The following GPC3 variants were observed in gnomAD, a reference collection of about 807,000 sequenced individuals.
GPC3 encodes glypican-3.
Under a neutral mutation model 34.4 loss-of-function variants are expected in GPC3, and 3 were observed. The observed-to-expected ratio is 0.09, with a 90% CI of 0.04 to 0.23. GPC3 has a LOEUF of 0.23. Ranked by LOEUF, GPC3 falls within the 10% of genes least tolerant of loss-of-function variation. The pLI is 1.00. For synonymous variants in GPC3, 177 were observed against 174.0 expected (o/e 1.02, Z -0.13); for missense variants, 351 against 445.6 (o/e 0.79, Z 1.91).
At chrX:133,696,139 C>T (rs183623818) in intron 4 of GPC3, among the ~76,000 whole-genome samples, 199 of 112,287 alleles carry the variant, frequency 1.8e-3, no homozygotes, top group African/African-American at 6.4e-3. Context: ...ACGGTGAAGA[C>T]CATTCCTTTA....
intron 2 of GPC3, among the ~76,000 whole-genome samples, chrX:133,945,413 A>G (rs1244492257): frequency 9.1e-6 from 1 of 110,386 alleles, no homozygotes; most frequent in Non-Finnish European, 1.9e-5. Flanking sequence ...TAATAATTTG[A>G]GTTTGAGTTT....
chrX:133,640,530 C>A (rs1432698272), intron 6 of GPC3, among the ~76,000 whole-genome samples: 1 of 112,521 alleles, frequency 8.9e-6, no homozygotes, highest in Admixed American at 9.4e-5. Context: ...GCCGCTCTGG[C>A]AGCCTCTGCC....
chrX:133,565,748 C>G (rs1317281510), intron 7 of GPC3, among the ~76,000 whole-genome samples: 1 of 112,176 alleles, frequency 8.9e-6, no homozygotes, highest in Non-Finnish European at 1.9e-5. Context: ...CTGTGGAACC[C>G]TTAATAGAGT....
chrX:133,795,988 C>A (rs1457038903), intron 2 of GPC3, among the ~76,000 whole-genome samples: 1 of 102,131 alleles, frequency 9.8e-6, no homozygotes, highest in Non-Finnish European at 2.0e-5. Flanking sequence ...CTTTGTCCCC[C>A]AGGCTGGAGT....
chrX:133,868,879 C>T (rs1177189348), intron 2 of GPC3, among the ~76,000 whole-genome samples: 1 of 111,785 alleles, frequency 8.9e-6, no homozygotes, highest in Admixed American at 9.5e-5. Flanking sequence ...CCCTCCTCCC[C>T]ATCTGTATCT....
chrX:133,724,192 A>G (rs766370491), intron 3 of GPC3, among the ~76,000 whole-genome samples: 1 of 112,158 alleles, frequency 8.9e-6, no homozygotes, highest in South Asian at 3.8e-4. Flanking sequence ...CCCTGAAACC[A>G]GGATCTACAA....
intron 7 of GPC3, among the ~76,000 whole-genome samples, chrX:133,586,825 T>A (rs923725090): frequency 3.6e-5 from 4 of 111,830 alleles, no homozygotes; most frequent in Non-Finnish European, 5.6e-5. Context: ...CTTCTTTTTT[T>A]ATTTTTAACT....
intron 7 of GPC3, among the ~76,000 whole-genome samples, chrX:133,546,387 A>G: frequency 9.1e-6 from 1 of 110,089 alleles, no homozygotes; most frequent in Non-Finnish European, 1.9e-5. Flanking sequence ...AGGATGTGGA[A>G]TAGCCAAGAT....
intron 2 of GPC3, among the ~76,000 whole-genome samples, chrX:133,766,623 G>A (rs1284361439): frequency 3.6e-5 from 4 of 111,960 alleles, no homozygotes; most frequent in Non-Finnish European, 7.5e-5. Flanking sequence ...ATGTGTGTAT[G>A]TGTACTCGTG....
Position 133,750,945 on chromosome X carries a change from C to A in GPC3, c.1032+2537G>T, listed in dbSNP as rs769337262. On this transcript the variant is annotated intron_variant, in intron 3 of 7. Transcript: ENST00000370818. The stretch of plus-strand genomic sequence containing the variant: ...AGAATTAGCCAGGCATGGTGGCATG[C>A]GCCTGCAATCCCAGCTTCTCGGGAG... 1.4e-4 allele frequency among the ~76,000 whole-genome samples: 15 copies of A among 109,304 alleles called. No individual in the cohort carries two copies. The East Asian group carries it at 3.7e-3, about 27-fold the overall frequency. The allele number at this position is 109,304 out of a possible 115,157, so 94.9% of individuals were successfully genotyped here. A position where few individuals can be genotyped will look rare whatever the true frequency, so the allele number is the denominator to read the frequency against.
chrX:133,826,073 T>C (rs2075744783), intron 2 of GPC3, among the ~76,000 whole-genome samples: 1 of 110,740 alleles, frequency 9.0e-6, no homozygotes, highest in Non-Finnish European at 1.9e-5. Flanking sequence ...ATTTCCAGAG[T>C]TACCACATTA....
At chrX:133,887,409 C>T (rs1375041842) in intron 2 of GPC3, among the ~76,000 whole-genome samples, 1 of 112,239 alleles carries the variant, frequency 8.9e-6, no homozygotes, top group African/African-American at 3.2e-5. Context: ...CTAAGTGTTT[C>T]CCTAATGATT....
chrX:133,853,082 T>C, intron 2 of GPC3, among the ~76,000 whole-genome samples: 1 of 96,318 alleles, frequency 1.0e-5, no homozygotes, highest in South Asian at 5.0e-4. Flanking sequence ...CAAGGAAAAA[T>C]ACAGGTTTTG....
chrX:133,625,160 G>A (rs1174321607), intron 6 of GPC3, among the ~76,000 whole-genome samples: 2 of 111,538 alleles, frequency 1.8e-5, no homozygotes, highest in Non-Finnish European at 3.8e-5. Flanking sequence ...CTGATGGGAC[G>A]TATCTCAAAA....
intron 7 of GPC3, among the ~76,000 whole-genome samples, chrX:133,594,616 C>G (rs1372104336): frequency 1.8e-5 from 2 of 111,404 alleles, no homozygotes; most frequent in Middle Eastern, 4.7e-3. Flanking sequence ...AAACCAGTCA[C>G]AGAAGGACAA....
rs748540340 is a variant in GPC3, at chrX:133,698,288, T to C, written c.1166+1607A>G. ...TCTTCTATTCTGATTGTACTAGTTGTGCATCTTGTTCTCCACTCACTGTTT... is the reference window on the plus strand; with the variant it reads ...TCTTCTATTCTGATTGTACTAGTTGCGCATCTTGTTCTCCACTCACTGTTT... On this transcript the variant is annotated intron_variant, in intron 4 of 7. Transcript: ENST00000370818. Among the ~76,000 whole-genome samples the C allele has an allele frequency of 5.3e-5, 6 of 112,235 alleles. No individual in the cohort carries two copies. The South Asian group carries it at 2.2e-3, about 41-fold the overall frequency.
At chrX:133,856,741 A>C (rs976409408) in intron 2 of GPC3, among the ~76,000 whole-genome samples, 1 of 111,999 alleles carries the variant, frequency 8.9e-6, no homozygotes, top group African/African-American at 3.2e-5. Flanking sequence ...TATAGCTACA[A>C]ACTAAAACTT....
chrX:133,741,575 T>C (rs891305505), intron 3 of GPC3, among the ~76,000 whole-genome samples: 1 of 112,472 alleles, frequency 8.9e-6, no homozygotes, highest in East Asian at 2.8e-4. Flanking sequence ...GGGCAAGAGA[T>C]GTACCTCAAA....
At chrX:133,652,487 T>C (rs2070614372) in intron 6 of GPC3, among the ~76,000 whole-genome samples, 1 of 111,691 alleles carries the variant, frequency 9.0e-6, no homozygotes, top group African/African-American at 3.3e-5. Context: ...CCAGTGCATA[T>C]AAATAATAAT....
Sources: gnomAD v4.1 joint callset for allele counts (sites outside exome capture counted in the v4.1 genomes callset) on GRCh38, gnomAD v4.1.1 for gene constraint, MANE v1.5 for transcripts, NCBI Gene and HGNC (gene_info 2026-07-23, HGNC 2026-07-21) for gene names.